Variants in PLXNA2 observed in about 807,000 individuals in gnomAD.
PLXNA2 encodes the protein plexin A2, also known as plexin-A2.
PLXNA2 carries 91 observed loss-of-function variants against 193.5 expected under a neutral mutation model. The observed-to-expected ratio is 0.47, with a 90% confidence interval of 0.40 to 0.56. The LOEUF is 0.56. PLXNA2 is among the 20% of genes least tolerant of loss of function. PLXNA2 has a pLI of 0.00. For missense variants in PLXNA2, 1,995 were observed against 2,503.2 expected (o/e 0.80, Z 4.33); for synonymous variants, 997 against 1,027.3 (o/e 0.97, Z 0.56).
At chr1:208,216,710 C>T (rs1345876810) in intron 2 of PLXNA2, 25 bp downstream of exon 2, 38 of 1,592,904 alleles carry the variant, frequency 2.4e-5, no homozygotes, top group Non-Finnish European at 3.2e-5. Context: ...GGAGCAGGAG[C>T]AGAGCGAGGT....
At chr1:208,162,906 C>T (rs1466965270) in intron 3 of PLXNA2, among the ~76,000 whole-genome samples, 1 of 152,206 alleles carries the variant, frequency 6.6e-6, no homozygotes, top group African/African-American at 2.4e-5. Context: ...AAGCAACTCA[C>T]ATACAAGGCT....
chr1:208,190,800 C>T (rs932669237), intron 3 of PLXNA2, among the ~76,000 whole-genome samples: 2 of 152,130 alleles, frequency 1.3e-5, no homozygotes, highest in African/African-American at 4.8e-5. Flanking sequence ...CATAGCAGGC[C>T]CATATGTAAT....
At chr1:208,070,140 C>G (rs1373840392) in intron 12 of PLXNA2, among the ~76,000 whole-genome samples, 2 of 152,264 alleles carry the variant, frequency 1.3e-5, no homozygotes, top group African/African-American at 4.8e-5. Flanking sequence ...CCCTGGCCTG[C>G]TCTTCGCTTC....
chr1:208,110,049 A>G (rs1667412510), intron 4 of PLXNA2, among the ~76,000 whole-genome samples: 1 of 152,210 alleles, frequency 6.6e-6, no homozygotes, highest in Non-Finnish European at 1.5e-5. Flanking sequence ...AGCCTAGTGT[A>G]CTATGCTTCC....
intron 13 of PLXNA2, 77 bp from the exon 14 acceptor site, chr1:208,054,615 G>T: frequency 1.0e-6 from 1 of 954,664 alleles, no homozygotes; most frequent in Non-Finnish European, 1.7e-6. Flanking sequence ...CCCAGTCATG[G>T]CAAATGACTC....
At position 208,164,576 on chromosome 1, in the gene PLXNA2, A is replaced by G. The variant is rs111303390; in HGVS notation, c.1372-22113T>C. Among the ~76,000 whole-genome samples the G allele has an allele frequency of 5.7e-4, 87 of 152,286 alleles. 1 individual carries two copies. The highest frequency in any genetic ancestry group is 2.1e-3 in the African/African-American group (87 of 41,564). On this transcript the variant is annotated intron_variant, in intron 3 of 31. Transcript: ENST00000367033. ...AAAAGGGAAGATGAAAGTATCTGAT[A>G]CCCTTAGAAGTGGAATAATTTGGCT...
chr1:208,209,044 T>A (rs767201265), intron 3 of PLXNA2, among the ~76,000 whole-genome samples: 2 of 152,184 alleles, frequency 1.3e-5, no homozygotes, highest in Non-Finnish European at 2.9e-5. Context: ...ATTCTTTCTC[T>A]CTTCCATGTG....
intron 9 of PLXNA2, among the ~76,000 whole-genome samples, chr1:208,086,339 T>C (rs1666519353): frequency 6.6e-6 from 1 of 152,066 alleles, no homozygotes; most frequent in Non-Finnish European, 1.5e-5. Context: ...ACTTTGTAGA[T>C]TCTTTAGAGA....
At chr1:208,031,416 G>A in intron 29 of PLXNA2, 174 bp downstream of exon 29, 1 of 1,316,310 alleles carries the variant, frequency 7.6e-7, no homozygotes, top group South Asian at 1.5e-5. Flanking sequence ...CAGGCAGCTG[G>A]GGACCGTGTG....
At chr1:208,080,958 C>T (rs1386297267) in intron 11 of PLXNA2, among the ~76,000 whole-genome samples, 2 of 152,188 alleles carry the variant, frequency 1.3e-5, no homozygotes, top group African/African-American at 4.8e-5. Context: ...TCCTCTCCAC[C>T]CAGCCCAATG....
At position 208,050,941 on chromosome 1, in the gene PLXNA2, AT is replaced by A. The variant is rs539961865; in HGVS notation, c.3255+67del. 1.8e-5 allele frequency: 21 copies of A among 1,152,980 alleles called. No homozygotes were observed. In the East Asian group the frequency reaches 4.7e-4, roughly 26 times the overall value. The allele number at this position is 1,152,980 out of a possible 1,614,324, so 71.4% of individuals were successfully genotyped here. A position where few individuals can be genotyped will look rare whatever the true frequency, so the allele number is the denominator to read the frequency against. ...GGCTCCAGTGCCTAACCCAGAGCTC[AT>A]CCCATTGCAAAACATCAACACAGAG... On this transcript the variant is annotated intron_variant, in intron 17 of 31. Transcript: ENST00000367033.
At chr1:208,094,900 G>A (rs1178261877) in intron 8 of PLXNA2, among the ~76,000 whole-genome samples, 2 of 152,160 alleles carry the variant, frequency 1.3e-5, no homozygotes, top group Non-Finnish European at 2.9e-5. Context: ...CTCTTCTAAT[G>A]ACTAAAGATT....
intron 29 of PLXNA2, chr1:208,030,364 C>T (rs1664460483): frequency 2.0e-6 from 2 of 985,762 alleles, no homozygotes; most frequent in South Asian, 4.7e-5. Flanking sequence ...ATGCGGATAA[C>T]CCTGGACTTT....
intron 4 of PLXNA2, among the ~76,000 whole-genome samples, chr1:208,119,875 A>C (rs1268489012): frequency 6.6e-6 from 1 of 152,168 alleles, no homozygotes; most frequent in Non-Finnish European, 1.5e-5. Context: ...TAGCCTCCCA[A>C]AGTGCTGGGA....
intron 28 of PLXNA2, among the ~76,000 whole-genome samples, chr1:208,032,374 C>T (rs568167967): frequency 2.0e-5 from 3 of 152,304 alleles, no homozygotes; most frequent in Non-Finnish European, 4.4e-5. Context: ...CATGGCACAC[C>T]TCTGAGGGTC....
At chr1:208,188,263 T>C (rs560913916) in intron 3 of PLXNA2, among the ~76,000 whole-genome samples, 1 of 152,280 alleles carries the variant, frequency 6.6e-6, no homozygotes. Flanking sequence ...CAAGATAGGC[T>C]GAATGCCTGC....
At chr1:208,207,570 C>A (rs1017039734) in intron 3 of PLXNA2, among the ~76,000 whole-genome samples, 2 of 152,190 alleles carry the variant, frequency 1.3e-5, no homozygotes, top group African/African-American at 4.8e-5. Context: ...TGACAGACGC[C>A]GGGAGAAGTG....
intron 12 of PLXNA2, among the ~76,000 whole-genome samples, chr1:208,067,344 C>CAAA (rs35720470): frequency 8.6e-5 from 10 of 116,290 alleles, no homozygotes; most frequent in Non-Finnish European, 1.0e-4. Flanking sequence ...AACTCCGTCT[C>CAAA]AAAAAAAAAA....
chr1:208,221,355 T>G (rs1671326642), intron 1 of PLXNA2, among the ~76,000 whole-genome samples: 2 of 151,540 alleles, frequency 1.3e-5, no homozygotes, highest in African/African-American at 4.8e-5. Context: ...AGAGGCTGAT[T>G]AGGTCAGGAG....
Sources: allele counts gnomAD v4.1 joint callset (sites outside exome capture counted in the v4.1 genomes callset), GRCh38; gene constraint gnomAD v4.1.1; transcripts MANE v1.5; gene names NCBI Gene and HGNC (gene_info 2026-07-23, HGNC 2026-07-21).